Variants in RPS6KA3 observed in about 807,000 individuals in gnomAD.
RPS6KA3 encodes ribosomal protein S6 kinase A3.
RPS6KA3 carries 4 observed loss-of-function variants against 67.2 expected under a neutral mutation model. That is an observed-to-expected ratio of 0.06 (90% CI 0.03 to 0.14). The LOEUF (loss-of-function observed/expected upper bound fraction) is 0.14, where lower values mean the gene tolerates loss of function less well. Ranked by LOEUF, RPS6KA3 falls within the 10% of genes least tolerant of loss-of-function variation. The pLI is 1.00. For missense variants in RPS6KA3, 204 were observed against 559.0 expected (o/e 0.36, Z 6.40); for synonymous variants, 182 against 183.7 (o/e 0.99, Z 0.07).
At chrX:20,246,386 A>C (rs2069691457) in intron 1 of RPS6KA3, among the ~76,000 whole-genome samples, 1 of 110,686 alleles carries the variant, frequency 9.0e-6, no homozygotes, top group Non-Finnish European at 1.9e-5. Flanking sequence ...TTGTCAGGGG[A>C]AACGACAATT....
intron 4 of RPS6KA3, among the ~76,000 whole-genome samples, chrX:20,202,507 A>C (rs1420422239): frequency 9.0e-6 from 1 of 111,712 alleles, no homozygotes; most frequent in Non-Finnish European, 1.9e-5. Flanking sequence ...TTCCCTTATT[A>C]TTCTTCTTTT....
intron 1 of RPS6KA3, among the ~76,000 whole-genome samples, chrX:20,257,435 G>A (rs1364969275): frequency 8.9e-6 from 1 of 112,122 alleles, no homozygotes; most frequent in Non-Finnish European, 1.9e-5. Context: ...GAGTTGTATT[G>A]ATATGATGTG....
intron 10 of RPS6KA3, among the ~76,000 whole-genome samples, chrX:20,185,893 T>C (rs2067968095): frequency 8.9e-6 from 1 of 112,311 alleles, no homozygotes; most frequent in African/African-American, 3.2e-5. Flanking sequence ...TTATTTCTTA[T>C]ACTACAGCCA....
At chrX:20,166,065 C>G (rs2067429141) in intron 17 of RPS6KA3, among the ~76,000 whole-genome samples, 1 of 112,229 alleles carries the variant, frequency 8.9e-6, no homozygotes, top group African/African-American at 3.2e-5. Flanking sequence ...TGAATGTGGT[C>G]TCTCAAAATA....
In RPS6KA3 at chrX:20,204,896, G is replaced by A. The variant is rs779535721; in HGVS notation, c.244-793C>T. 5.4e-5 allele frequency among the ~76,000 whole-genome samples: 6 copies of A among 111,175 alleles called. No individual in the cohort carries two copies. In the South Asian group the frequency reaches 1.5e-3, roughly 28 times the overall value. ...GCCTGGGCAACAAGAGCCAGACTCC[G>A]TTTCAAAACAACAACAACAACAAAA... On this transcript the variant is annotated intron_variant, in intron 3 of 21. Transcript: ENST00000379565.
intron 1 of RPS6KA3, among the ~76,000 whole-genome samples, chrX:20,265,053 TAAA>T (rs749872552): frequency 8.9e-6 from 1 of 112,153 alleles, no homozygotes; most frequent in Admixed American, 9.4e-5. Flanking sequence ...CTGCCAGTCT[TAAA>T]AACATGATTT....
chrX:20,250,496 G>C (rs1310297002), intron 1 of RPS6KA3, among the ~76,000 whole-genome samples: 1 of 111,985 alleles, frequency 8.9e-6, no homozygotes, highest in African/African-American at 3.2e-5. Context: ...GTTAGCTGTA[G>C]GTTCATTATC....
intron 2 of RPS6KA3, among the ~76,000 whole-genome samples, chrX:20,218,070 C>T (rs1037614355): frequency 8.9e-6 from 1 of 111,900 alleles, no homozygotes; most frequent in Non-Finnish European, 1.9e-5. Context: ...TTCTAATCAC[C>T]GCCACAAAGA....
rs370311436 is a variant in RPS6KA3 at position 20,227,876 on chromosome X, T to A, written c.126+6882A>T. 7.1e-4 allele frequency among the ~76,000 whole-genome samples: 78 copies of A among 110,636 alleles called. 2 individuals carry two copies. The South Asian group carries it at 0.03, about 42-fold the overall frequency. Reference sequence around the variant, plus strand: ...TTATGGTATTTCTTTCCTGCTTTCTTCCCCTTCATTTCCTCTATTGTCTCT... The same window carrying A: ...TTATGGTATTTCTTTCCTGCTTTCTACCCCTTCATTTCCTCTATTGTCTCT... On this transcript the variant is annotated intron_variant, in intron 2 of 21. Coordinates refer to ENST00000379565, the MANE Select transcript of RPS6KA3 (RefSeq NM_004586.3).
chrX:20,252,910 C>T (rs2069920177), intron 1 of RPS6KA3, among the ~76,000 whole-genome samples: 1 of 110,712 alleles, frequency 9.0e-6, no homozygotes, highest in African/African-American at 3.3e-5. Context: ...TGTTCTGCCT[C>T]GTTGATGTAA....
chrX:20,241,500 T>A (rs2069551018), intron 1 of RPS6KA3: 1 of 101,484 alleles, frequency 9.9e-6, no homozygotes, highest in Admixed American at 1.1e-4. Context: ...AGAAATAATC[T>A]ATGAATAACA....
rs1159900573 is a variant in RPS6KA3, at chrX:20,266,610, TC to T, written c.22del (p.Asp8ThrfsTer49). On this transcript the variant is annotated frameshift_variant, in exon 1 of 22. Coordinates refer to ENST00000379565, the MANE Select transcript of RPS6KA3 (RefSeq NM_004586.3). LOFTEE classifies it high-confidence loss of function. ...CTCCACAGCCATCTTCTGCCACGGG[TC>T]CGCCAGCTGCGCCAGCGGCATCTTC... Reference protein sequence around the residue: MPLAQLADPWQKMAVESP... With the variant: MPLAQLAXPWQKMAVESP... 1 of 1,144,509 alleles carries T rather than the reference TC, an allele frequency of 8.7e-7. No individual in the cohort carries two copies. The highest frequency in any genetic ancestry group is 1.2e-6 in the Non-Finnish European group (1 of 865,509). 94.3% of individuals were successfully genotyped at this position (1,144,509 alleles called of 1,213,427 possible). A position where few individuals can be genotyped will look rare whatever the true frequency, so the allele number is the denominator to read the frequency against.
In RPS6KA3 at chrX:20,266,657, AC is replaced by A; in HGVS notation, c.-26del. The A allele has an allele frequency of 9.1e-7, 1 of 1,096,160 alleles. No individual in the cohort carries two copies. The highest frequency in any genetic ancestry group is 1.2e-6 in the Non-Finnish European group (1 of 834,878). 90.3% of individuals were successfully genotyped at this position (1,096,160 alleles called of 1,213,427 possible). ...TCTTCCCCCCCGGCCCGCCGCCTTC[AC>A]CGCCTCCTCCCTCCCCGCCCGCCCC... On this transcript the variant is annotated 5_prime_UTR_variant, in exon 1 of 22. Coordinates refer to ENST00000379565, the MANE Select transcript of RPS6KA3 (RefSeq NM_004586.3).
intron 4 of RPS6KA3, among the ~76,000 whole-genome samples, chrX:20,196,410 A>G (rs1291461910): frequency 8.9e-6 from 1 of 112,667 alleles, no homozygotes; most frequent in African/African-American, 3.2e-5. Context: ...GAAGCTCATG[A>G]TCTAGTGGGA....
In RPS6KA3 at chrX:20,163,823, C is replaced by T. The variant is rs1017193088; in HGVS notation, c.1765-783G>A. 2.7e-5 allele frequency among the ~76,000 whole-genome samples: 3 copies of T among 111,392 alleles called. No individual in the cohort carries two copies. In the South Asian group the frequency reaches 1.1e-3, roughly 42 times the overall value. ...AGCTGGGATTACAGGCATGTGCCAT[C>T]ACGCTTGGCTTATTTTTATATTTTT... On this transcript the variant is annotated intron_variant, in intron 18 of 21. Transcript: ENST00000379565.
chrX:20,241,930 T>TA (rs1009903922), intron 1 of RPS6KA3, among the ~76,000 whole-genome samples: 5 of 111,464 alleles, frequency 4.5e-5, no homozygotes, highest in African/African-American at 1.3e-4. Context: ...GGTAGTTTTT[T>TA]AAAAAAATAA....
chrX:20,177,130 T>A, intron 10 of RPS6KA3, 46 bp from the exon 11 acceptor site: 1 of 906,790 alleles, frequency 1.1e-6, no homozygotes, highest in Non-Finnish European at 1.6e-6. Context: ...GAGGCATCTG[T>A]ATTTTTATTT....
chrX:20,252,689 C>T (rs775645487), intron 1 of RPS6KA3, among the ~76,000 whole-genome samples: 9 of 111,187 alleles, frequency 8.1e-5, no homozygotes, highest in Non-Finnish European at 1.5e-4. Flanking sequence ...AGAGGGCTGA[C>T]TCAAACTTCT....
At chrX:20,178,636 CTTTTTTTTTT>C (rs757383642) in intron 10 of RPS6KA3, among the ~76,000 whole-genome samples, 24 of 39,445 alleles carry the variant, frequency 6.1e-4, no homozygotes, top group Non-Finnish European at 9.9e-4. Flanking sequence ...CCACACCTGG[CTTTTTTTTTT>C]TTTTTTTTTT....
Sources: gnomAD v4.1 joint callset for allele counts (sites outside exome capture counted in the v4.1 genomes callset) on GRCh38, gnomAD v4.1.1 for gene constraint, MANE v1.5 for transcripts, NCBI Gene and HGNC (gene_info 2026-07-23, HGNC 2026-07-21) for gene names.